The following LONRF2 variants were observed in gnomAD, a reference collection of about 807,000 sequenced individuals.
The protein encoded by LONRF2 is LON peptidase N-terminal domain and ring finger 2.
LONRF2 carries 35 observed loss-of-function variants against 66.6 expected under a neutral mutation model. The observed-to-expected ratio is 0.53, with a 90% confidence interval of 0.40 to 0.70. The LOEUF is 0.70. LONRF2 is among the 30% of genes least tolerant of loss of function. The probability of loss-of-function intolerance (pLI) is 0.00; values close to 1 mark genes in which losing one functional copy is unlikely to be tolerated. For missense variants in LONRF2, 902 were observed against 1,002.1 expected (o/e 0.90, Z 1.35); for synonymous variants, 417 against 418.1 (o/e 1.00, Z 0.03).
chr2:100,300,604 C>T (rs1316206709), intron 4 of LONRF2, 40 bp downstream of exon 4: 1 of 1,568,834 alleles, frequency 6.4e-7, no homozygotes, highest in Non-Finnish European at 8.6e-7. Context: ...TTATGTAAAG[C>T]TTAATCAAGA....
At position 100,321,561 on chromosome 2, in the gene LONRF2, C is replaced by T. The variant is rs1675627081; in HGVS notation, c.533G>A (p.Arg178His). ...CAGGCCGCTCAGCACCACGTTCACGCGCCGCACCTGCGGCCGCGCGGGCCC... is the reference window on the plus strand; with the variant it reads ...CAGGCCGCTCAGCACCACGTTCACGTGCCGCACCTGCGGCCGCGCGGGCCC... Reference protein sequence around the residue: ...EPGPARPQVRRVNVVLSGLLE... With the variant: ...EPGPARPQVRHVNVVLSGLLE... Residue 178 changes from arginine (R) to histidine (H), a missense_variant, in exon 1 of 12, where the codon CGC becomes CAC. Coordinates refer to ENST00000393437, the MANE Select transcript of LONRF2 (RefSeq NM_198461.4). 3.2e-6 allele frequency: 5 copies of T among 1,540,172 alleles called. No individual in the cohort carries two copies. Among genetic ancestry groups the T allele is most frequent in the Non-Finnish European group, 4.3e-6 (5 of 1,155,508 alleles).
intron 1 of LONRF2, among the ~76,000 whole-genome samples, chr2:100,318,819 G>A (rs184435311): frequency 2.7e-4 from 36 of 131,912 alleles, no homozygotes; most frequent in African/African-American, 8.3e-4. Context: ...GTGACAGAGC[G>A]AGACCTTGTC....
intron 2 of LONRF2, 136 bp downstream of exon 2, chr2:100,308,971 C>T (rs1244816666): frequency 3.7e-6 from 2 of 540,290 alleles, no homozygotes; most frequent in East Asian, 3.0e-5. Context: ...AGGTGGATTG[C>T]TAAACGTAGG....
Position 100,321,864 on chromosome 2 carries a change from G to A in LONRF2, c.230C>T (p.Ala77Val). ...CGCGGCGCCGCGGAACGCGCCCAGG[G>A]CTTCGGGGAGGCGGCCGGCGCGGGC... ...ALARAGRLPEALGAFRGAARL... is the reference protein window; with the variant it reads ...ALARAGRLPEVLGAFRGAARL... Residue 77 changes from alanine (A) to valine (V), a missense_variant, in exon 1 of 12, where the codon GCC becomes GTC. This residue lies in a region of LONRF2 where 585 missense variants were observed against 569.9 expected (regional missense o/e 1.03). Transcript: ENST00000393437. 2 of 1,200,092 alleles carry A rather than the reference G, an allele frequency of 1.7e-6. No homozygotes were observed. Among genetic ancestry groups the A allele is most frequent in the Non-Finnish European group, 2.1e-6 (2 of 969,842 alleles). 74.3% of individuals were successfully genotyped at this position (1,200,092 alleles called of 1,614,324 possible).
rs201475623 is a variant in LONRF2, at chr2:100,299,773, G to A, written c.1211C>T (p.Pro404Leu). 14 of 1,613,910 alleles carry A rather than the reference G, an allele frequency of 8.7e-6. No individual in the cohort carries two copies. The highest frequency in any genetic ancestry group is 1.1e-5 in the South Asian group (1 of 91,070). ...GTCAGGTGCATCCTCCACGTCATCCGGAAACTGTCTCTTTAAGCCAGCGCT... is the reference window on the plus strand; with the variant it reads ...GTCAGGTGCATCCTCCACGTCATCCAGAAACTGTCTCTTTAAGCCAGCGCT... The part of the protein sequence containing the change: ...APSAGLKRQF[P>L]DDVEDAPDLN... Residue 404 changes from proline (P) to leucine (L), a missense_variant, in exon 5 of 12, where the codon CCG becomes CTG. By Grantham distance (98) the Pro-to-Leu change is moderately conservative. Coordinates refer to ENST00000393437, the MANE Select transcript of LONRF2 (RefSeq NM_198461.4).
chr2:100,284,231 G>A lies in LONRF2; in HGVS notation c.*67C>T, dbSNP rs1008931944. 2.2e-6 allele frequency: 3 copies of A among 1,352,694 alleles called. No individual in the cohort carries two copies. Among genetic ancestry groups the A allele is most frequent in the Non-Finnish European group, 3.0e-6 (3 of 1,015,642 alleles). 83.8% of individuals were successfully genotyped at this position (1,352,694 alleles called of 1,614,324 possible). On this transcript the variant is annotated 3_prime_UTR_variant, in exon 12 of 12. Transcript: ENST00000393437. ...CTTGATGAAGCACAATGAATGGACG[G>A]CTATTCGTCCATGCCTGACATTTAT...
Position 100,284,400 on chromosome 2 carries a change from C to G in LONRF2, c.2163G>C (p.Ser721=), listed in dbSNP as rs115283006. The G allele has an allele frequency of 2.5e-6, 4 of 1,603,372 alleles. No individual in the cohort carries two copies. Among genetic ancestry groups the G allele is most frequent in the Non-Finnish European group, 3.4e-6 (4 of 1,175,140 alleles). ...KAQLAILGMT[S]LKERLLAIRR... Reference sequence around the variant, plus strand: ...GGATGGCAAGGAGCCGCTCTTTGAGCGAGGTCATGCCGAGGATGGCCAGCT... The same window carrying G: ...GGATGGCAAGGAGCCGCTCTTTGAGGGAGGTCATGCCGAGGATGGCCAGCT... The change falls in exon 12 of 12, where the codon TCG becomes TCC. Residue 721 remains serine, a synonymous_variant. Transcript: ENST00000393437.
At position 100,280,319 on chromosome 2, in the gene LONRF2, C is replaced by T. The variant is rs952440627; in HGVS notation, c.*3979G>A. The T allele has an allele frequency of 1.6e-4, 25 of 152,176 alleles. No individual in the cohort carries two copies. The highest frequency in any genetic ancestry group is 5.6e-4 in the African/African-American group (23 of 41,438). 9.4% of individuals were successfully genotyped at this position (152,176 alleles called of 1,614,324 possible). A position where few individuals can be genotyped will look rare whatever the true frequency, so the allele number is the denominator to read the frequency against. On this transcript the variant is annotated 3_prime_UTR_variant, in exon 12 of 12. Coordinates refer to ENST00000393437, the MANE Select transcript of LONRF2 (RefSeq NM_198461.4). ...CTGGCAAAGGGGTTCGGTTATCTCC[C>T]TGTGTGGGCGATGGCTCACGCAGCT...
intron 7 of LONRF2, among the ~76,000 whole-genome samples, chr2:100,296,909 G>A (rs958147070): frequency 6.6e-6 from 1 of 152,136 alleles, no homozygotes; most frequent in African/African-American, 2.4e-5. Flanking sequence ...TGCATGATGT[G>A]ACTCCCGCAT....
intron 11 of LONRF2, 114 bp from the exon 12 acceptor site, chr2:100,284,606 T>C (rs1674807639): frequency 2.5e-6 from 2 of 803,490 alleles, no homozygotes; most frequent in Non-Finnish European, 3.7e-6. Flanking sequence ...TGCCACCTTG[T>C]ATTTTAGGGC....
At position 100,300,689 on chromosome 2, in the gene LONRF2, C is replaced by T; in HGVS notation, c.1020G>A (p.Met340Ile). ...CTTCTTCCAGCAGAGCCTGGGCATT[C>T]ATGTGGCTGTGACCCTGAGCCTTTA... Reference protein sequence around the residue: ...SRLKAQGHSHMNAQALLEEGD... With the variant: ...SRLKAQGHSHINAQALLEEGD... Residue 340 changes from methionine to isoleucine, a missense_variant, in exon 4 of 12, where the codon ATG becomes ATA. Met to Ile is a conservative substitution (Grantham distance 10). Around this residue, in one of 2 missense-constraint regions of LONRF2, gnomAD observed 585 missense variants for 569.9 expected, o/e 1.03. Transcript: ENST00000393437. 6.2e-7 allele frequency: 1 copy of T among 1,613,670 alleles called. No individual in the cohort carries two copies. Among genetic ancestry groups the T allele is most frequent in the Non-Finnish European group, 8.5e-7 (1 of 1,179,904 alleles).
chr2:100,287,812 A>C (rs753421574), intron 10 of LONRF2, among the ~76,000 whole-genome samples: 25 of 152,108 alleles, frequency 1.6e-4, no homozygotes, highest in Admixed American at 5.9e-4. Flanking sequence ...TGGCTTCATC[A>C]CCAACTCTCA....
chr2:100,284,480 C>T lies in LONRF2; in HGVS notation c.2083G>A (p.Gly695Ser), dbSNP rs760373431. The T allele has an allele frequency of 7.6e-6, 12 of 1,588,954 alleles. No individual in the cohort carries two copies. In the Admixed American group the frequency reaches 8.9e-5, roughly 12 times the overall value. ...REPEPQSNPS[G>S]PAWSWWILAV... Reference sequence around the variant, plus strand: ...AGGATCCACCAGGACCAGGCAGGGCCGCTGGGATTACTCTGCAAAAGAGAT... The same window carrying T: ...AGGATCCACCAGGACCAGGCAGGGCTGCTGGGATTACTCTGCAAAAGAGAT... Residue 695 changes from glycine to serine, a missense_variant, in exon 12 of 12, where the codon GGC (glycine) becomes AGC (serine). Gly to Ser is a moderately conservative substitution (Grantham distance 56, BLOSUM62 0). This residue lies in a region of LONRF2 where 317 missense variants were observed against 432.2 expected (regional missense o/e 0.73). Coordinates refer to ENST00000393437, the MANE Select transcript of LONRF2 (RefSeq NM_198461.4).
chr2:100,290,823 C>T (rs544010590), intron 9 of LONRF2, among the ~76,000 whole-genome samples: 8 of 152,198 alleles, frequency 5.3e-5, no homozygotes, highest in Non-Finnish European at 1.2e-4. Flanking sequence ...AGCTCTTACC[C>T]ACACTCCGAT....
chr2:100,304,790 ATTT>A (rs3039614), intron 2 of LONRF2, among the ~76,000 whole-genome samples: 8 of 113,186 alleles, frequency 7.1e-5, no homozygotes, highest in South Asian at 3.0e-4. Context: ...TGCCTGGCTA[ATTT>A]TTTTTTTTTT....
intron 1 of LONRF2, among the ~76,000 whole-genome samples, chr2:100,310,603 T>C (rs1171984158): frequency 6.6e-6 from 1 of 152,030 alleles, no homozygotes; most frequent in African/African-American, 2.4e-5. Flanking sequence ...ATGTGTAATA[T>C]AGAGAAAGTA....
Position 100,295,498 on chromosome 2 carries a change from C to T in LONRF2, c.1532G>A (p.Arg511Gln), listed in dbSNP as rs773828616. ...ATCAGACAATTCATCCGGCAAATATCGAAATATTAATTCTTCGGCCAGAAC... is the reference window on the plus strand; with the variant it reads ...ATCAGACAATTCATCCGGCAAATATTGAAATATTAATTCTTCGGCCAGAAC... ...ITVLAEELIF[R>Q]YLPDELSDRK... Residue 511 changes from arginine to glutamine, a missense_variant, in exon 8 of 12, where the codon CGA (arginine) becomes CAA (glutamine). By Grantham distance (43) the Arg-to-Gln change is conservative. Around this residue, in one of 2 missense-constraint regions of LONRF2, gnomAD observed 317 missense variants for 432.2 expected, o/e 0.73. Transcript: ENST00000393437. The T allele has an allele frequency of 3.7e-6, 6 of 1,613,454 alleles. No individual in the cohort carries two copies. Among genetic ancestry groups the T allele is most frequent in the East Asian group, 4.5e-5 (2 of 44,858 alleles).
chr2:100,321,449 G>A lies in LONRF2; in HGVS notation c.645C>T (p.Ala215=). The change falls in exon 1 of 12, where the codon GCC becomes GCT. Residue 215 remains alanine, a synonymous_variant. Transcript: ENST00000393437. ...RSLQRQQQPE[A]ALLRCDQALE... ...GGGCCTGGTCGCACCTGAGCAGCGCGGCCTCCGGCTGCTGCTGGCGCTGCA... is the reference window on the plus strand; with the variant it reads ...GGGCCTGGTCGCACCTGAGCAGCGCAGCCTCCGGCTGCTGCTGGCGCTGCA... 6.7e-7 allele frequency: 1 copy of A among 1,494,376 alleles called. No individual in the cohort carries two copies. The highest frequency in any genetic ancestry group is 8.8e-7 in the Non-Finnish European group (1 of 1,132,638). The allele number at this position is 1,494,376 out of a possible 1,614,324, so 92.6% of individuals were successfully genotyped here. A position where few individuals can be genotyped will look rare whatever the true frequency, so the allele number is the denominator to read the frequency against.
In LONRF2 at chr2:100,274,661, C is replaced by G. The variant is rs988129837; in HGVS notation, c.*9637G>C. ...AGGCAGTATCCCCTCACCCTGATCA[C>G]CCAGGGCCAGGCACCAGGCAGCTGG... On this transcript the variant is annotated 3_prime_UTR_variant, in exon 12 of 12. Transcript: ENST00000393437. The G allele has an allele frequency of 7.2e-5, 11 of 152,492 alleles. No individual in the cohort carries two copies. The highest frequency in any genetic ancestry group is 3.3e-4 in the Admixed American group (5 of 15,286). The allele number at this position is 152,492 out of a possible 1,614,324, so 9.4% of individuals were successfully genotyped here.
Sources: gnomAD v4.1 joint callset for allele counts (sites outside exome capture counted in the v4.1 genomes callset) on GRCh38, gnomAD v4.1.1 for gene constraint, gnomAD v4.1.1 regional missense constraint, MANE v1.5 for transcripts, NCBI Gene and HGNC (gene_info 2026-07-23, HGNC 2026-07-21) for gene names.